Variants in CTSE observed in about 807,000 individuals in gnomAD.
CTSE encodes cathepsin E.
CTSE carries 43 observed loss-of-function variants against 42.8 expected under a neutral mutation model. That is an observed-to-expected ratio of 1.01 (90% CI 0.79 to 1.30). CTSE has a LOEUF of 1.30. CTSE is among the 50% of genes most tolerant of loss of function. The pLI is 0.00. For missense variants in CTSE, 532 were observed against 493.5 expected (o/e 1.08, Z -0.74); for synonymous variants, 205 against 191.5 (o/e 1.07, Z -0.58).
intron 4 of CTSE, 41 bp downstream of exon 4, chr1:206,021,008 G>T (rs782250022): frequency 7.0e-7 from 1 of 1,424,544 alleles, no homozygotes; most frequent in Non-Finnish European, 9.9e-7. Context: ...AGTCTCCCAA[G>T]TTTCTGTCCA....
chr1:206,017,930 C>A (rs1362567686), intron 4 of CTSE, among the ~76,000 whole-genome samples: 5 of 152,014 alleles, frequency 3.3e-5, no homozygotes, highest in African/African-American at 1.2e-4. Context: ...CCTTTTCCAT[C>A]TTAATGTTCT....
rs782805713 is a variant in CTSE at position 206,023,726 on chromosome 1, G to T, written c.66C>A (p.His22Gln). 2 of 1,613,524 alleles carry T rather than the reference G, an allele frequency of 1.2e-6. No homozygotes were observed. Residue 22 changes from histidine (H) to glutamine (Q), a missense_variant and splice_region_variant, in exon 1 of 9, where the codon CAC (histidine) becomes CAA (glutamine). Coordinates refer to ENST00000358184, the MANE Select transcript of CTSE (RefSeq NM_001910.4). ...ACAGTGCGGGGACGTCTTCTCACCT[G>T]TGAAGGGATCCTTGGGCCTCTCCCA... The part of the protein sequence containing the change: ...LELGEAQGSL[H>Q]RVPLRRHPSL...
At position 206,019,688 on chromosome 1, in the gene CTSE, T is replaced by C. The variant is rs186368923; in HGVS notation, c.462+1361A>G. 3.1e-3 allele frequency among the ~76,000 whole-genome samples: 458 copies of C among 147,886 alleles called. 1 individual carries two copies. Among genetic ancestry groups the C allele is most frequent in the African/African-American group, 0.011 (441 of 40,814 alleles). On this transcript the variant is annotated intron_variant, in intron 4 of 8. Coordinates refer to ENST00000358184, the MANE Select transcript of CTSE (RefSeq NM_001910.4). ...CATTTTAACTTTTATATATATATTATATGTAATTAGATATATAATATATAT... is the reference window on the plus strand; with the variant it reads ...CATTTTAACTTTTATATATATATTACATGTAATTAGATATATAATATATAT...
At chr1:206,012,286 A>G in intron 8 of CTSE, 22 bp downstream of exon 8, 2 of 1,598,718 alleles carry the variant, frequency 1.3e-6, no homozygotes, top group Non-Finnish European at 1.7e-6. Flanking sequence ...TGTGGCCTGC[A>G]GAATAAGGAA....
chr1:206,010,643 C>T lies in CTSE; in HGVS notation c.1027-296G>A, dbSNP rs187287877. Reference sequence around the variant, plus strand: ...ACCTACCCCTGTCACCATCATTTTACAACTGGGAAACCCTTGCTGCATGGC... The same window carrying T: ...ACCTACCCCTGTCACCATCATTTTATAACTGGGAAACCCTTGCTGCATGGC... On this transcript the variant is annotated intron_variant, in intron 8 of 8. Transcript: ENST00000358184. 6.1e-4 allele frequency among the ~76,000 whole-genome samples: 93 copies of T among 152,240 alleles called. 1 individual carries two copies. Among genetic ancestry groups the T allele is most frequent in the African/African-American group, 2.2e-3 (92 of 41,578 alleles).
At chr1:206,011,937 T>G (rs1430321360) in intron 8 of CTSE, among the ~76,000 whole-genome samples, 1 of 152,118 alleles carries the variant, frequency 6.6e-6, no homozygotes, top group Non-Finnish European at 1.5e-5. Context: ...CTTGAACCAT[T>G]TATTTGACTC....
intron 8 of CTSE, among the ~76,000 whole-genome samples, chr1:206,011,549 A>C (rs1385065974): frequency 6.6e-6 from 1 of 151,992 alleles, no homozygotes; most frequent in Non-Finnish European, 1.5e-5. Flanking sequence ...TTTAAAGCAA[A>C]CATTTGTTTT....
chr1:206,013,302 C>T (rs147313776), intron 6 of CTSE, among the ~76,000 whole-genome samples: 1 of 152,076 alleles, frequency 6.6e-6, no homozygotes, highest in South Asian at 2.1e-4. Flanking sequence ...TGCACTGGAG[C>T]ATTCAGATAG....
chr1:206,022,316 C>A, intron 2 of CTSE, 49 bp from the exon 3 acceptor site: 1 of 1,363,694 alleles, frequency 7.3e-7, no homozygotes, highest in Middle Eastern at 1.8e-4. Context: ...TGGGGAGGGA[C>A]AAGGGTGCTC....
Position 206,016,063 on chromosome 1 carries a change from A to G in CTSE, c.530T>C (p.Val177Ala), listed in dbSNP as rs1553277689. The G allele has an allele frequency of 1.9e-6, 3 of 1,613,912 alleles. No homozygotes were observed. Among genetic ancestry groups the G allele is most frequent in the Non-Finnish European group, 2.5e-6 (3 of 1,179,902 alleles). The change falls in exon 5 of 9, where the codon GTG becomes GCG. Residue 177 changes from valine (V) to alanine (A), a missense_variant. Transcript: ENST00000358184. ...ESVTEPGQTF[V>A]DAEFDGILGL... is the part of the protein sequence containing the mutation. ...CAGAATTCCATCAAACTCTGCATCC[A>G]CAAAGGTCTGGCCTGGCTCTGTGAC...
intron 1 of CTSE, 32 bp from the exon 2 acceptor site, chr1:206,023,089 G>T (rs1553278738): frequency 7.1e-7 from 1 of 1,399,982 alleles, no homozygotes; most frequent in South Asian, 1.1e-5. Flanking sequence ...AGCAGGAGAT[G>T]TACTTCTGCC....
Position 206,010,271 on chromosome 1 carries a change from C to T in CTSE, c.1103G>A (p.Trp368Ter). ...TCGAATGAAGACATCCCCCAGGATC[C>T]AGAGGGGCCCAGCTGGAGGGTGGAT... is the stretch of plus-strand genomic sequence containing the variant. Reference protein sequence around the residue: ...LDIHPPAGPLWILGDVFIRQF... With the variant: ...LDIHPPAGPL The change falls in exon 9 of 9, where the codon TGG becomes TAG. Residue 368 changes from tryptophan to a stop codon, truncating the protein, a stop_gained. Coordinates refer to ENST00000358184, the MANE Select transcript of CTSE (RefSeq NM_001910.4). LOFTEE classifies it high-confidence loss of function. 1 of 1,613,786 alleles carries T rather than the reference C, an allele frequency of 6.2e-7. No individual in the cohort carries two copies. The highest frequency in any genetic ancestry group is 8.5e-7 in the Non-Finnish European group (1 of 1,179,820).
At position 206,012,524 on chromosome 1, in the gene CTSE, G is replaced by A. The variant is rs782420316; in HGVS notation, c.911C>T (p.Ala304Val). Reference protein sequence around the residue: ...IKQLQNAIGAAPVDGEYAVEC... With the variant: ...IKQLQNAIGAVPVDGEYAVEC... ...GGCACTCACTTCTCCATCCACGGGG[G>A]CTGCCCCAATGGCGTTTTGCAGCTG... The change falls in exon 7 of 9, where the codon GCC (alanine) becomes GTC (valine). Residue 304 changes from alanine (A) to valine (V), a missense_variant. Physicochemically the swap from Ala to Val is moderately conservative, Grantham distance 64. Transcript: ENST00000358184. 6.2e-7 allele frequency: 1 copy of A among 1,614,006 alleles called. No homozygotes were observed. The highest frequency in any genetic ancestry group is 8.5e-7 in the Non-Finnish European group (1 of 1,179,944).
chr1:206,015,803 A>T, intron 5 of CTSE, 128 bp downstream of exon 5: 1 of 760,978 alleles, frequency 1.3e-6, no homozygotes, highest in Non-Finnish European at 2.1e-6. Context: ...AAATGTTTTG[A>T]CTAAGATCAC....
Position 206,013,786 on chromosome 1 carries a change from C to T in CTSE, c.771G>A (p.Gln257=), listed in dbSNP as rs61740526. The T allele has an allele frequency of 9.9e-4, 1,590 of 1,613,792 alleles. 11 individuals carry two copies. The African/African-American group carries it at 0.018, about 18-fold the overall frequency. ...GGAATACTCACTTATCCAGTGCAATCTGCCAGTAAGCTTGCTTGGTGACTG... is the reference window on the plus strand; with the variant it reads ...GGAATACTCACTTATCCAGTGCAATTTGCCAGTAAGCTTGCTTGGTGACTG... ...WVPVTKQAYW[Q]IALDNIQVGG... Residue 257 remains glutamine (Q), a synonymous_variant, in exon 6 of 9, where the codon CAG becomes CAA. Coordinates refer to ENST00000358184, the MANE Select transcript of CTSE (RefSeq NM_001910.4).
At chr1:206,014,779 C>T (rs1047183714) in intron 5 of CTSE, among the ~76,000 whole-genome samples, 6 of 152,052 alleles carry the variant, frequency 3.9e-5, no homozygotes, top group African/African-American at 7.2e-5. Context: ...TCCCAGGCGA[C>T]GGGAGAAGGA....
intron 6 of CTSE, among the ~76,000 whole-genome samples, chr1:206,013,409 A>G (rs1661173675): frequency 6.6e-6 from 1 of 151,952 alleles, no homozygotes; most frequent in African/African-American, 2.4e-5. Flanking sequence ...GGTGCATCTC[A>G]TCTTCTGTAC....
At chr1:206,012,259 G>T in intron 8 of CTSE, 49 bp downstream of exon 8, 1 of 1,460,376 alleles carries the variant, frequency 6.8e-7, no homozygotes, top group Non-Finnish European at 9.5e-7. Context: ...GAAGTGGCAG[G>T]CATGTGGGGA....
At position 206,016,954 on chromosome 1, in the gene CTSE, T is replaced by C. The variant is rs554793957; in HGVS notation, c.463-824A>G. The stretch of plus-strand genomic sequence containing the variant: ...CTAAGAAAAAATGCTGTTGTTTTGA[T>C]TGGAATAAAATTGGTTGTATAGACC... On this transcript the variant is annotated intron_variant, in intron 4 of 8. Coordinates refer to ENST00000358184, the MANE Select transcript of CTSE (RefSeq NM_001910.4). Among the ~76,000 whole-genome samples the C allele has an allele frequency of 1.9e-4, 29 of 152,226 alleles. 2 individuals are homozygous for C. The highest frequency in any genetic ancestry group is 5.8e-4 in the East Asian group (3 of 5,196).
Sources: gnomAD v4.1 joint callset for allele counts (sites outside exome capture counted in the v4.1 genomes callset) on GRCh38, gnomAD v4.1.1 for gene constraint, MANE v1.5 for transcripts, NCBI Gene and HGNC (gene_info 2026-07-23, HGNC 2026-07-21) for gene names.